LPAR1: variants seen among roughly 807,000 people sequenced by gnomAD.
LPAR1 encodes the protein lysophosphatidic acid receptor 1.
In LPAR1, 5 loss-of-function variants were observed where a neutral mutation model predicts 23.8. The ratio of observed to expected loss-of-function variants is 0.21; its 90% CI spans 0.11 to 0.44. The LOEUF is 0.44. Ranked by LOEUF, LPAR1 falls within the 20% of genes least tolerant of loss-of-function variation. The probability of loss-of-function intolerance (pLI) is 0.99; values close to 1 mark genes in which losing one functional copy is unlikely to be tolerated. For missense variants in LPAR1, 311 were observed against 482.8 expected, an observed-to-expected ratio of 0.64 and a Z score of 3.33; for synonymous variants, 160 against 164.7, an observed-to-expected ratio of 0.97 and a Z score of 0.22.
intron 2 of LPAR1, among the ~76,000 whole-genome samples, chr9:110,993,098 C>T (rs373958925): frequency 1.2e-4 from 19 of 152,154 alleles, no homozygotes; most frequent in East Asian, 1.2e-3. Context: ...CTCTGGCATA[C>T]AAGAAAATAT....
chr9:110,988,080 T>C (rs1279251495), intron 2 of LPAR1, among the ~76,000 whole-genome samples: 1 of 91,162 alleles, frequency 1.1e-5, no homozygotes, highest in Non-Finnish European at 2.2e-5. Flanking sequence ...GATCAACATC[T>C]TTAAAATAAT....
intron 2 of LPAR1, among the ~76,000 whole-genome samples, chr9:110,976,336 CAAA>C (rs11356512): frequency 1.3e-4 from 16 of 126,702 alleles, no homozygotes; most frequent in Admixed American, 1.6e-4. Flanking sequence ...ACTAAAAATA[CAAA>C]AAAAAAAAAA....
chr9:110,962,830 G>T (rs577640236), intron 4 of LPAR1, among the ~76,000 whole-genome samples: 11 of 152,204 alleles, frequency 7.2e-5, no homozygotes, highest in African/African-American at 2.4e-4. Flanking sequence ...CACACAGCAG[G>T]GAAAGGTTGA....
intron 5 of LPAR1, among the ~76,000 whole-genome samples, chr9:110,925,952 G>A (rs747836789): frequency 8.6e-5 from 13 of 151,894 alleles, no homozygotes; most frequent in African/African-American, 1.7e-4. Flanking sequence ...TTGGACTCTC[G>A]CTCTGTCACC....
At chr9:110,957,173 G>T (rs2095787090) in intron 4 of LPAR1, among the ~76,000 whole-genome samples, 1 of 151,388 alleles carries the variant, frequency 6.6e-6, no homozygotes, top group South Asian at 2.1e-4. Context: ...TTCAAGACCA[G>T]CCTGGGCAAC....
intron 5 of LPAR1, among the ~76,000 whole-genome samples, chr9:110,935,073 A>G (rs895245891): frequency 5.3e-5 from 8 of 152,202 alleles, no homozygotes; most frequent in African/African-American, 1.9e-4. Context: ...AAGAAGACCT[A>G]TTCAAGGAAA....
In LPAR1 at chr9:110,874,428, C is replaced by T. The variant is rs1049471321; in HGVS notation, c.*993G>A. 4 of 152,508 alleles carry T rather than the reference C, an allele frequency of 2.6e-5. No homozygotes were observed. The highest frequency in any genetic ancestry group is 9.7e-5 in the African/African-American group (4 of 41,402). 9.4% of individuals were successfully genotyped at this position (152,508 alleles called of 1,614,324 possible). A position where few individuals can be genotyped will look rare whatever the true frequency, so the allele number is the denominator to read the frequency against. ...AAAAAGTATACAATACACATATAGG[C>T]ATACATGGGGGTTGCTTTTTAAAGG... On this transcript the variant is annotated 3_prime_UTR_variant, in exon 6 of 6. Coordinates refer to ENST00000683809, the MANE Select transcript of LPAR1 (RefSeq NM_001351411.2).
At chr9:110,927,274 C>A (rs1326490174) in intron 5 of LPAR1, among the ~76,000 whole-genome samples, 1 of 151,324 alleles carries the variant, frequency 6.6e-6, no homozygotes, top group Non-Finnish European at 1.5e-5. Context: ...CTATAAGTAG[C>A]AGCTGCGAAA....
intron 4 of LPAR1, among the ~76,000 whole-genome samples, chr9:110,954,080 T>C (rs182754961): frequency 2.2e-4 from 33 of 152,190 alleles, no homozygotes; most frequent in Admixed American, 1.4e-3. Context: ...CAATTCAGGA[T>C]ATAAATGAGA....
chr9:110,996,424 T>C (rs2097007248), intron 2 of LPAR1, among the ~76,000 whole-genome samples: 1 of 151,994 alleles, frequency 6.6e-6, no homozygotes, highest in East Asian at 1.9e-4. Context: ...TAAAAATATT[T>C]TTTAAAGGAA....
chr9:110,925,314 T>C (rs1334479646), intron 5 of LPAR1, among the ~76,000 whole-genome samples: 1 of 151,662 alleles, frequency 6.6e-6, no homozygotes, highest in Non-Finnish European at 1.5e-5. Flanking sequence ...GGGGATACAT[T>C]GGTCCGTGTA....
At chr9:110,921,920 T>C (rs889992861) in intron 5 of LPAR1, among the ~76,000 whole-genome samples, 5 of 152,192 alleles carry the variant, frequency 3.3e-5, no homozygotes, top group Admixed American at 6.5e-5. Flanking sequence ...AACACATCAA[T>C]TGACCTACAG....
chr9:110,926,212 G>A (rs896306745), intron 5 of LPAR1, among the ~76,000 whole-genome samples: 15 of 152,218 alleles, frequency 9.9e-5, no homozygotes, highest in African/African-American at 2.9e-4. Flanking sequence ...GAGCCACCAC[G>A]CCCAGCCCAG....
chr9:111,009,373 TA>T (rs917622068), intron 2 of LPAR1, among the ~76,000 whole-genome samples: 28 of 148,578 alleles, frequency 1.9e-4, no homozygotes, highest in East Asian at 7.8e-4. Context: ...GAATGAGATT[TA>T]AAAAAAAAAA....
chr9:110,960,086 A>G (rs1465577213), intron 4 of LPAR1, among the ~76,000 whole-genome samples: 1 of 152,220 alleles, frequency 6.6e-6, no homozygotes, highest in East Asian at 1.9e-4. Flanking sequence ...AACATTCGAT[A>G]GCAGAGTAGG....
intron 2 of LPAR1, among the ~76,000 whole-genome samples, chr9:111,014,148 C>A (rs1254026232): frequency 6.6e-6 from 1 of 152,120 alleles, no homozygotes; most frequent in African/African-American, 2.4e-5. Flanking sequence ...CTCCCATGCT[C>A]CTTTCTGCCA....
At chr9:110,955,792 A>G (rs940401876) in intron 4 of LPAR1, among the ~76,000 whole-genome samples, 3 of 151,980 alleles carry the variant, frequency 2.0e-5, no homozygotes, top group African/African-American at 7.2e-5. Flanking sequence ...AAAAAATACT[A>G]CTGAATGACC....
intron 4 of LPAR1, among the ~76,000 whole-genome samples, chr9:110,961,193 T>C (rs866745385): frequency 2.2e-5 from 3 of 136,040 alleles, no homozygotes; most frequent in African/African-American, 8.4e-5. Flanking sequence ...CTGAGAGCAA[T>C]TCATTTATAA....
intron 5 of LPAR1, among the ~76,000 whole-genome samples, chr9:110,890,457 C>G (rs893278371): frequency 6.6e-6 from 1 of 151,866 alleles, no homozygotes; most frequent in African/African-American, 2.4e-5. Flanking sequence ...CTAAAATAAA[C>G]TATAAAAAAA....
Sources: gnomAD v4.1 joint callset for allele counts (sites outside exome capture counted in the v4.1 genomes callset) on GRCh38, gnomAD v4.1.1 for gene constraint, MANE v1.5 for transcripts, NCBI Gene and HGNC (gene_info 2026-07-23, HGNC 2026-07-21) for gene names.